SVIL: variants seen among roughly 807,000 people sequenced by gnomAD.
SVIL encodes the protein archvillin.
SVIL carries 101 observed loss-of-function variants against 240.4 expected under a neutral mutation model. That is an observed-to-expected ratio of 0.42 (90% CI 0.36 to 0.50). The LOEUF is 0.50. Ranked by LOEUF, SVIL falls within the 20% of genes least tolerant of loss-of-function variation. The probability of loss-of-function intolerance (pLI) is 0.01; values close to 1 mark genes in which losing one functional copy is unlikely to be tolerated. For synonymous variants in SVIL, 999 were observed against 1,100.0 expected (o/e 0.91, Z 1.82); for missense variants, 2,512 against 2,818.7 (o/e 0.89, Z 2.46).
At chr10:29,633,166 G>C (rs1450344682) in intron 1 of SVIL, among the ~76,000 whole-genome samples, 4 of 150,800 alleles carry the variant, frequency 2.7e-5, no homozygotes, top group African/African-American at 4.9e-5. Flanking sequence ...GAACCTGGGA[G>C]GTGGAGGTTG....
In SVIL at chr10:29,569,385, C is replaced by T. The variant is rs1008122989; in HGVS notation, c.-200-73G>A. The T allele has an allele frequency of 1.6e-4, 114 of 700,918 alleles. No homozygotes were observed. In the African/African-American group the frequency reaches 2.0e-3, roughly 12 times the overall value. 43.4% of individuals were successfully genotyped at this position (700,918 alleles called of 1,614,324 possible). A position where few individuals can be genotyped will look rare whatever the true frequency, so the allele number is the denominator to read the frequency against. On this transcript the variant is annotated intron_variant, in intron 1 of 37. Transcript: ENST00000355867. Reference sequence around the variant, plus strand: ...TAAAAATCCGGTGAGAAAAAACTCTCCAAACTGCTTTTGAACATATAATTT... The same window carrying T: ...TAAAAATCCGGTGAGAAAAAACTCTTCAAACTGCTTTTGAACATATAATTT...
chr10:29,547,816 T>G (rs1180118693), intron 6 of SVIL, among the ~76,000 whole-genome samples: 1 of 152,234 alleles, frequency 6.6e-6, no homozygotes, highest in Non-Finnish European at 1.5e-5. Context: ...TGAAATTAGA[T>G]TCCCCATTTC....
chr10:29,648,975 C>T (rs1359281120), intron 3 of SVIL, among the ~76,000 whole-genome samples: 1 of 151,874 alleles, frequency 6.6e-6, no homozygotes, highest in Non-Finnish European at 1.5e-5. Flanking sequence ...CCCGTCTACA[C>T]ACAAAAAAAA....
Position 29,532,585 on chromosome 10 carries a change from G to A in SVIL, c.1782C>T (p.Val594=), listed in dbSNP as rs766742116. The change falls in exon 8 of 38, where the codon GTC becomes GTT. Residue 594 remains valine, a synonymous_variant. Coordinates refer to ENST00000355867, the MANE Select transcript of SVIL (RefSeq NM_021738.3). Reference sequence around the variant, plus strand: ...CCAGGAACGCACTTCGGAGCTGGGCGACAGAGACTTTTGTGTCCAGCATGC... The same window carrying A: ...CCAGGAACGCACTTCGGAGCTGGGCAACAGAGACTTTTGTGTCCAGCATGC... The part of the protein sequence containing the change: ...EISMLDTKVS[V]AQLRSAFLAS... 94 of 1,613,802 alleles carry A rather than the reference G, an allele frequency of 5.8e-5. 1 individual carries two copies. The highest frequency in any genetic ancestry group is 5.3e-5 in the African/African-American group (4 of 74,934).
intron 21 of SVIL, among the ~76,000 whole-genome samples, chr10:29,491,349 A>G (rs1038542915): frequency 3.0e-4 from 46 of 151,856 alleles, no homozygotes; most frequent in Middle Eastern, 3.4e-3. Context: ...CCCCCCTACC[A>G]CGCCCATGCA....
At chr10:29,518,870 CAGACAAAAATTAAATGAG>C in intron 16 of SVIL, among the ~76,000 whole-genome samples, 1 of 152,204 alleles carries the variant, frequency 6.6e-6, no homozygotes, top group East Asian at 1.9e-4. Flanking sequence ...AACAAACAAA[CAGACAAAAATTAAATGAG>C]AGATCATGTA....
At chr10:29,508,450 G>A in intron 17 of SVIL, 1 of 1,256,210 alleles carries the variant, frequency 8.0e-7, no homozygotes, top group Non-Finnish European at 1.0e-6. Flanking sequence ...CCTGGTCAGG[G>A]CATCGCAATC....
chr10:29,684,523 T>C (rs192184567), intron 2 of SVIL, among the ~76,000 whole-genome samples: 1 of 152,288 alleles, frequency 6.6e-6, no homozygotes, highest in East Asian at 1.9e-4. Flanking sequence ...AGTTATTGTC[T>C]AAAGACCTGG....
rs1291066620 is a variant in SVIL at position 29,484,721 on chromosome 10, G to T, written c.4890C>A (p.Thr1630=). ...TGATGTCACAGTTCTCATAGTCAAA[G>T]GTTCCATTCCATAAGTGCTTTGCCA... ...FQLAKHLWNG[T]FDYENCDINP... Residue 1630 remains threonine (T), a synonymous_variant, in exon 27 of 38, where the codon ACC becomes ACA. Transcript: ENST00000355867. The surrounding 1 kb of genome is among the most constrained non-coding windows in gnomAD (Gnocchi z 4.7). 4 of 1,614,036 alleles carry T rather than the reference G, an allele frequency of 2.5e-6. No homozygotes were observed. The highest frequency in any genetic ancestry group is 3.3e-5 in the Admixed American group (2 of 60,010).
At position 29,532,161 on chromosome 10, in the gene SVIL, AC is replaced by A; in HGVS notation, c.1849del (p.Val617TrpfsTer44). On this transcript the variant is annotated frameshift_variant, in exon 9 of 38. Transcript: ENST00000355867. LOFTEE classifies it high-confidence loss of function. ...GCCAGGTCCTTCAGCCGACCTCTCC[AC>A]CCGTGATTTGCTTTGAGAATCAAAG... ...ACRRPELKSR[V>X]ERSAEGPGLP... 6.2e-7 allele frequency: 1 copy of A among 1,613,560 alleles called. No individual in the cohort carries two copies. The highest frequency in any genetic ancestry group is 8.5e-7 in the Non-Finnish European group (1 of 1,179,786).
chr10:29,543,876 T>TA (rs1240383469), intron 6 of SVIL, among the ~76,000 whole-genome samples: 1 of 152,240 alleles, frequency 6.6e-6, no homozygotes, highest in Non-Finnish European at 1.5e-5. Flanking sequence ...AGAGGTCACC[T>TA]ACAAGGGGAG....
At chr10:29,693,209 G>C (rs753634678) in intron 1 of SVIL, among the ~76,000 whole-genome samples, 4 of 151,900 alleles carry the variant, frequency 2.6e-5, no homozygotes, top group African/African-American at 9.7e-5. Flanking sequence ...AACTTGCCCA[G>C]GTGTTAGAGA....
rs71489688 is a variant in SVIL, at chr10:29,568,791, A to G, written c.-143+464T>C. 4.1e-3 allele frequency among the ~76,000 whole-genome samples: 483 copies of G among 118,860 alleles called. 10 individuals carry two copies. In the South Asian group the frequency reaches 0.058, roughly 14 times the overall value. 78.0% of individuals were successfully genotyped at this position (118,860 alleles called of 152,430 possible). On this transcript the variant is annotated intron_variant, in intron 2 of 37. Coordinates refer to ENST00000355867, the MANE Select transcript of SVIL (RefSeq NM_021738.3). ...CTCACATGGATGGGTGGATGGGTGG[A>G]TGGATGGATGGATGGATGGATGGAT...
At chr10:29,463,119 G>C (rs940621289) in intron 35 of SVIL, among the ~76,000 whole-genome samples, 4 of 152,302 alleles carry the variant, frequency 2.6e-5, no homozygotes, top group Non-Finnish European at 4.4e-5. Flanking sequence ...CAGCGTGGTA[G>C]TGCTTGCAGA....
chr10:29,462,428 G>T, intron 35 of SVIL, 27 bp from the exon 36 acceptor site: 1 of 1,611,808 alleles, frequency 6.2e-7, no homozygotes, highest in Non-Finnish European at 8.5e-7. Flanking sequence ...TGCAATGTCA[G>T]TAGACCCCAG....
At chr10:29,485,589 A>G (rs1444749759) in intron 26 of SVIL, among the ~76,000 whole-genome samples, 1 of 152,102 alleles carries the variant, frequency 6.6e-6, no homozygotes, top group Non-Finnish European at 1.5e-5. Flanking sequence ...ATACTCTTCC[A>G]CCCAATTAAA....
Position 29,532,678 on chromosome 10 carries a change from C to T in SVIL, c.1689G>A (p.Lys563=). Residue 563 remains lysine, a synonymous_variant, in exon 8 of 38, where the codon AAG becomes AAA. Coordinates refer to ENST00000355867, the MANE Select transcript of SVIL (RefSeq NM_021738.3). ...GPPQLQALKY[K]DPASRRELEL... is the part of the protein sequence containing the mutation. The stretch of plus-strand genomic sequence containing the variant: ...CCAGCTCTCTCCTGGAAGCTGGGTC[C>T]TTATACTTCAAGGCCTGGAGCTGAG... The T allele has an allele frequency of 6.2e-7, 1 of 1,614,196 alleles. No homozygotes were observed. Among genetic ancestry groups the T allele is most frequent in the Non-Finnish European group, 8.5e-7 (1 of 1,180,034 alleles).
intron 17 of SVIL, among the ~76,000 whole-genome samples, chr10:29,512,308 T>C (rs1364296784): frequency 2.0e-5 from 3 of 152,246 alleles, no homozygotes; most frequent in African/African-American, 7.2e-5. Flanking sequence ...ACCACAATTA[T>C]GTCCTTATTT....
At chr10:29,476,693 A>G (rs758871405) in intron 29 of SVIL, among the ~76,000 whole-genome samples, 6 of 152,220 alleles carry the variant, frequency 3.9e-5, no homozygotes, top group Non-Finnish European at 7.3e-5. Flanking sequence ...GTGTGAGTCT[A>G]GAATTTTATT....
Sources: gnomAD v4.1 joint callset for allele counts (sites outside exome capture counted in the v4.1 genomes callset) on GRCh38, gnomAD v4.1.1 for gene constraint, Gnocchi (gnomAD v3.1) non-coding constraint, MANE v1.5 for transcripts, NCBI Gene and HGNC (gene_info 2026-07-23, HGNC 2026-07-21) for gene names.